TAB2: variants seen among roughly 807,000 people sequenced by gnomAD.
TAB2 encodes the protein TGF-beta-activated kinase 1 and MAP3K7-binding protein 2.
In TAB2, 3 loss-of-function variants were observed where a neutral mutation model predicts 65.0. The observed-to-expected ratio is 0.05, with a 90% confidence interval of 0.02 to 0.12. TAB2 has a LOEUF of 0.12. TAB2 is among the 10% of genes least tolerant of loss of function. The pLI, the probability that TAB2 is intolerant of heterozygous loss-of-function variation, is 1.00. For missense variants in TAB2, 623 were observed against 840.3 expected (o/e 0.74, Z 3.20); for synonymous variants, 298 against 285.1 (o/e 1.05, Z -0.46).
intron 1 of TAB2, chr6:149,245,538 A>G (rs1777693418): frequency 6.6e-6 from 1 of 152,202 alleles, no homozygotes; most frequent in South Asian, 2.1e-4. Flanking sequence ...ACTAAATAAA[A>G]CAACTCATGG....
chr6:149,344,882 G>A (rs1459801398), intron 1 of TAB2, among the ~76,000 whole-genome samples: 1 of 152,144 alleles, frequency 6.6e-6, no homozygotes, highest in Non-Finnish European at 1.5e-5. Flanking sequence ...ACATGTTTAA[G>A]GCATTTAGCA....
chr6:149,317,454 G>A (rs1779287093), upstream of TAB2: 1 of 174,478 alleles, frequency 5.7e-6, no homozygotes, highest in Non-Finnish European at 1.2e-5. The surrounding 1 kb of genome is among the most constrained non-coding windows in gnomAD (Gnocchi z 4.7). Flanking sequence ...CTCCCCCGCC[G>A]TTCGGCTAGG....
chr6:149,377,273 G>A (rs1157442311), intron 2 of TAB2, among the ~76,000 whole-genome samples: 1 of 151,180 alleles, frequency 6.6e-6, no homozygotes, highest in African/African-American at 2.4e-5. Flanking sequence ...GGATTTCACC[G>A]TGGTCTCGAT....
At chr6:149,297,076 T>C (rs1262790817) in intron 1 of TAB2, among the ~76,000 whole-genome samples, 3 of 151,450 alleles carry the variant, frequency 2.0e-5, no homozygotes, top group African/African-American at 4.9e-5. Context: ...CTCTCTCTCT[T>C]TCTTCTCCTC....
At chr6:149,302,796 T>C (rs1431441811) in intron 1 of TAB2, among the ~76,000 whole-genome samples, 1 of 152,230 alleles carries the variant, frequency 6.6e-6, no homozygotes, top group African/African-American at 2.4e-5. Context: ...ATTCATATCT[T>C]ATCAGCAGGG....
chr6:149,310,651 G>A (rs988044979), intron 1 of TAB2, among the ~76,000 whole-genome samples: 1 of 152,018 alleles, frequency 6.6e-6, no homozygotes, highest in African/African-American at 2.4e-5. Flanking sequence ...TTCTCTGTAA[G>A]TTTGGCCTCT....
chr6:149,218,898 C>A, intron 1 of TAB2: 1 of 336,656 alleles, frequency 3.0e-6, no homozygotes, highest in South Asian at 2.3e-5. Flanking sequence ...GAAAGGAGAC[C>A]TAGTACTTTT....
chr6:149,403,265 TATATATATATATATATATACACAC>T lies in TAB2; in HGVS notation c.1939+4083_1939+4106del, dbSNP rs1269425011. Among the ~76,000 whole-genome samples, 16 of 45,012 alleles carry T rather than the reference TATATATATATATATATATACACAC, an allele frequency of 3.6e-4. 2 individuals are homozygous for T. The highest frequency in any genetic ancestry group is 1.9e-3 in the African/African-American group (14 of 7,492). The allele number at this position is 45,012 out of a possible 152,430, so 29.5% of individuals were successfully genotyped here. The stretch of plus-strand genomic sequence containing the variant: ...AAAAAAAAATATATATATATATATA[TATATATATATATATATATACACAC>T]ACACACATATATATATATATATATA... On this transcript the variant is annotated intron_variant, in intron 6 of 6. Transcript: ENST00000637181.
At chr6:149,219,463 T>C (rs890450969) in intron 1 of TAB2, among the ~76,000 whole-genome samples, 3 of 152,204 alleles carry the variant, frequency 2.0e-5, no homozygotes, top group South Asian at 2.1e-4. Context: ...TTTGCCCAGA[T>C]TGCCCGCTAG....
chr6:149,362,893 G>A (rs1391723117), intron 1 of TAB2, among the ~76,000 whole-genome samples: 2 of 151,968 alleles, frequency 1.3e-5, no homozygotes, highest in Non-Finnish European at 2.9e-5. Context: ...TTTCTCCCTT[G>A]TCCCCTCCCT....
chr6:149,406,866 C>T (rs1303394354), intron 6 of TAB2, among the ~76,000 whole-genome samples: 2 of 152,054 alleles, frequency 1.3e-5, no homozygotes, highest in African/African-American at 2.4e-5. Context: ...TACAGGCATG[C>T]GCCACCACGC....
At chr6:149,369,626 C>G (rs2114856221) in intron 1 of TAB2, among the ~76,000 whole-genome samples, 1 of 152,218 alleles carries the variant, frequency 6.6e-6, no homozygotes, top group African/African-American at 2.4e-5. Context: ...TTAAAAGAAT[C>G]TGGGAAGACA....
At chr6:149,360,794 G>A (rs1562433741) in intron 1 of TAB2, among the ~76,000 whole-genome samples, 1 of 152,082 alleles carries the variant, frequency 6.6e-6, no homozygotes, top group African/African-American at 2.4e-5. Flanking sequence ...ATCAAAACAA[G>A]TTATTCACTT....
chr6:149,323,742 A>G lies in TAB2; in HGVS notation c.-90+5727A>G, dbSNP rs138485454. ...CAGGTTATGAGGCTTTCAGTCATTT[A>G]CCCAAAATATTTCTTGGATTTTTAA... On this transcript the variant is annotated intron_variant, in intron 1 of 6. Coordinates refer to ENST00000637181, the MANE Select transcript of TAB2 (RefSeq NM_001292034.3). 3.9e-5 allele frequency among the ~76,000 whole-genome samples: 6 copies of G among 152,256 alleles called. No homozygotes were observed. In the East Asian group the frequency reaches 1.2e-3, roughly 29 times the overall value.
intron 3 of TAB2, among the ~76,000 whole-genome samples, chr6:149,391,766 C>T (rs1462655039): frequency 1.3e-5 from 2 of 151,984 alleles, no homozygotes; most frequent in African/African-American, 2.4e-5. Context: ...TGGTGAAACT[C>T]CTGGGCTCAA....
intron 1 of TAB2, among the ~76,000 whole-genome samples, chr6:149,330,592 TG>T (rs1779753297): frequency 6.6e-6 from 1 of 152,234 alleles, no homozygotes. Flanking sequence ...TGTGGTGAAA[TG>T]TGTTCAAGTC....
intron 1 of TAB2, among the ~76,000 whole-genome samples, chr6:149,257,851 A>C (rs1778072034): frequency 6.6e-6 from 1 of 152,134 alleles, no homozygotes; most frequent in Admixed American, 6.5e-5. Flanking sequence ...ATGCAACTCT[A>C]AGAAAGAGCA....
chr6:149,251,373 C>A (rs1016396474), intron 1 of TAB2, among the ~76,000 whole-genome samples: 3 of 152,128 alleles, frequency 2.0e-5, no homozygotes, highest in African/African-American at 7.2e-5. Flanking sequence ...GGTCATCACC[C>A]CATATGACCC....
At chr6:149,308,289 A>G (rs1779103996) in intron 1 of TAB2, among the ~76,000 whole-genome samples, 1 of 152,216 alleles carries the variant, frequency 6.6e-6, no homozygotes, top group Non-Finnish European at 1.5e-5. Flanking sequence ...ACAGCCTTGC[A>G]GGAAGCGTAC....
Sources: gnomAD v4.1 joint callset for allele counts (sites outside exome capture counted in the v4.1 genomes callset) on GRCh38, gnomAD v4.1.1 for gene constraint, Gnocchi (gnomAD v3.1) non-coding constraint, MANE v1.5 for transcripts, NCBI Gene and HGNC (gene_info 2026-07-23, HGNC 2026-07-21) for gene names.